The following NFIA variants were observed in gnomAD, a reference collection of about 807,000 sequenced individuals.
NFIA encodes nuclear factor 1 A-type.
NFIA carries 8 observed loss-of-function variants against 62.8 expected under a neutral mutation model. That is an observed-to-expected ratio of 0.13 (90% CI 0.07 to 0.23). NFIA has a LOEUF of 0.23. NFIA is among the 10% of genes least tolerant of loss of function. The pLI, the probability that NFIA is intolerant of heterozygous loss-of-function variation, is 1.00. For missense variants in NFIA, 410 were observed against 642.1 expected (o/e 0.64, Z 3.91); for synonymous variants, 235 against 238.1 (o/e 0.99, Z 0.12).
chr1:61,262,284 A>G (rs1381079489), intron 2 of NFIA, among the ~76,000 whole-genome samples: 1 of 152,226 alleles, frequency 6.6e-6, no homozygotes, highest in Admixed American at 6.5e-5. Flanking sequence ...GGTTTCTTAC[A>G]GCATGACTTT....
chr1:61,282,222 TCAC>T (rs775482126), intron 3 of NFIA, among the ~76,000 whole-genome samples: 19 of 151,444 alleles, frequency 1.3e-4, no homozygotes, highest in Middle Eastern at 3.4e-3. Flanking sequence ...GTTTGAAACA[TCAC>T]CATTTCAGTT....
At chr1:61,217,034 A>G (rs1653672500) in intron 2 of NFIA, among the ~76,000 whole-genome samples, 1 of 150,558 alleles carries the variant, frequency 6.6e-6, no homozygotes, top group South Asian at 2.1e-4. Flanking sequence ...TAAAAAGGAC[A>G]TTGATTAAAC....
At chr1:61,107,538 G>C (rs1646625798) in intron 2 of NFIA, among the ~76,000 whole-genome samples, 1 of 151,156 alleles carries the variant, frequency 6.6e-6, no homozygotes, top group African/African-American at 2.4e-5. Flanking sequence ...TTTACTTATT[G>C]GTTTGTAGGA....
chr1:61,260,892 TAG>T (rs1656732760), intron 2 of NFIA, among the ~76,000 whole-genome samples: 1 of 152,210 alleles, frequency 6.6e-6, no homozygotes, highest in Non-Finnish European at 1.5e-5. Context: ...GAAATTTTCA[TAG>T]AGTTTCCACT....
intron 3 of NFIA, among the ~76,000 whole-genome samples, chr1:61,322,653 AC>A (rs1237745136): frequency 1.3e-5 from 2 of 152,210 alleles, no homozygotes; most frequent in African/African-American, 4.8e-5. Context: ...CTGGCTATCA[AC>A]CACGTATATG....
chr1:61,448,302 CAG>C (rs1667910578), intron 10 of NFIA, among the ~76,000 whole-genome samples: 1 of 152,178 alleles, frequency 6.6e-6, no homozygotes, highest in Non-Finnish European at 1.5e-5. Context: ...CAATTAAAGA[CAG>C]ATTTTTATTT....
intron 2 of NFIA, among the ~76,000 whole-genome samples, chr1:61,094,474 G>T (rs1646377493): frequency 6.6e-6 from 1 of 152,150 alleles, no homozygotes; most frequent in Admixed American, 6.5e-5. Context: ...AGCTTTGGGA[G>T]TTTTTATTCA....
intron 2 of NFIA, among the ~76,000 whole-genome samples, chr1:61,212,369 A>G (rs1041112714): frequency 2.0e-5 from 3 of 152,204 alleles, no homozygotes; most frequent in African/African-American, 7.2e-5. Flanking sequence ...GATATTTTAG[A>G]TTTTAGAAAG....
intron 2 of NFIA, among the ~76,000 whole-genome samples, chr1:61,240,704 C>T (rs1157746514): frequency 6.6e-6 from 1 of 151,946 alleles, no homozygotes; most frequent in Non-Finnish European, 1.5e-5. Flanking sequence ...CACCCACTGT[C>T]ATTTTGGTTA....
At chr1:61,089,512 G>A (rs146618511) in intron 2 of NFIA, among the ~76,000 whole-genome samples, 20 of 152,012 alleles carry the variant, frequency 1.3e-4, no homozygotes, top group Admixed American at 5.9e-4. Context: ...TCTTGTTTTA[G>A]ACAAAAGGCT....
At position 61,460,589 on chromosome 1, in the gene NFIA, A is replaced by C. The variant is rs1668490464; in HGVS notation, c.*5269A>C. 6.6e-6 allele frequency: 1 copy of C among 152,242 alleles called. No individual in the cohort carries two copies. The highest frequency in any genetic ancestry group is 2.1e-4 in the South Asian group (1 of 4,834). 9.4% of individuals were successfully genotyped at this position (152,242 alleles called of 1,614,324 possible). On this transcript the variant is annotated 3_prime_UTR_variant, in exon 11 of 11. Transcript: ENST00000403491. ...TTGGTATCTACTTTCCGTTTACTTC[A>C]ATCCTTGCCTTTTTGGTCATTGTTA... is the stretch of plus-strand genomic sequence containing the variant.
chr1:61,179,429 TCA>T (rs1650604419), intron 2 of NFIA, among the ~76,000 whole-genome samples: 1 of 152,220 alleles, frequency 6.6e-6, no homozygotes, highest in Non-Finnish European at 1.5e-5. Context: ...TGTTCGAGTC[TCA>T]GTTTTCTCAG....
At chr1:61,397,033 T>C (rs1036534818) in intron 7 of NFIA, among the ~76,000 whole-genome samples, 1 of 151,394 alleles carries the variant, frequency 6.6e-6, no homozygotes, top group African/African-American at 2.4e-5. Context: ...TAATGCCCGG[T>C]TGGCAGGGGC....
At chr1:61,079,187 G>A (rs1408982038), upstream of NFIA, among the ~76,000 whole-genome samples, 4 of 152,252 alleles carry the variant, frequency 2.6e-5, no homozygotes, top group Middle Eastern at 3.4e-3. Flanking sequence ...TGACCAGCAG[G>A]TCAAAAACCA....
chr1:61,417,720 C>G (rs1174270698), intron 9 of NFIA, among the ~76,000 whole-genome samples: 2 of 151,918 alleles, frequency 1.3e-5, no homozygotes, highest in African/African-American at 4.8e-5. Context: ...GATATAATGT[C>G]CCTTATCAGA....
At chr1:61,454,500 G>A (rs1247363151) in intron 10 of NFIA, among the ~76,000 whole-genome samples, 1 of 152,224 alleles carries the variant, frequency 6.6e-6, no homozygotes, top group Non-Finnish European at 1.5e-5. Context: ...ATGGACGCAA[G>A]CATGAATGAA....
intron 9 of NFIA, among the ~76,000 whole-genome samples, chr1:61,416,698 A>C: frequency 6.6e-6 from 1 of 152,180 alleles, no homozygotes; most frequent in Admixed American, 6.5e-5. Context: ...GCATTTTGAT[A>C]GGTATTTTCA....
chr1:61,080,331 T>C (rs1025811159), upstream of NFIA, among the ~76,000 whole-genome samples: 2 of 151,376 alleles, frequency 1.3e-5, no homozygotes, highest in East Asian at 1.9e-4. Flanking sequence ...TTAAAAAAAA[T>C]CTTTTTTTTC....
chr1:61,162,289 A>T (rs1227810339), intron 2 of NFIA, among the ~76,000 whole-genome samples: 1 of 152,116 alleles, frequency 6.6e-6, no homozygotes, highest in Admixed American at 6.5e-5. Flanking sequence ...GGCACCTGAG[A>T]CTCTGCATTT....
Sources: allele counts gnomAD v4.1 joint callset (sites outside exome capture counted in the v4.1 genomes callset), GRCh38; gene constraint gnomAD v4.1.1; transcripts MANE v1.5; gene names NCBI Gene and HGNC (gene_info 2026-07-23, HGNC 2026-07-21).